The following LSAMP variants were observed in gnomAD, a reference collection of about 807,000 sequenced individuals.
The protein encoded by LSAMP is limbic system-associated membrane protein.
In LSAMP, 7 loss-of-function variants were observed where a neutral mutation model predicts 38.6. The ratio of observed to expected loss-of-function variants is 0.18; its 90% CI spans 0.10 to 0.34. The LOEUF (loss-of-function observed/expected upper bound fraction) is 0.34. Among genes scored for constraint, LSAMP ranks in the 10% least tolerant of loss-of-function variants. The probability of loss-of-function intolerance (pLI) is 1.00; values close to 1 mark genes in which losing one functional copy is unlikely to be tolerated. For synonymous variants in LSAMP, 154 were observed against 166.8 expected (o/e 0.92, Z 0.59); for missense variants, 313 against 420.0 (o/e 0.75, Z 2.23).
At chr3:116,441,841 C>A (rs189695740) in intron 1 of LSAMP, among the ~76,000 whole-genome samples, 1 of 152,168 alleles carries the variant, frequency 6.6e-6, no homozygotes, top group Admixed American at 6.5e-5. Context: ...TAGGGAGGAC[C>A]GCCAAGGCTG....
At chr3:116,185,459 A>G (rs1710591873) in intron 1 of LSAMP, among the ~76,000 whole-genome samples, 1 of 151,910 alleles carries the variant, frequency 6.6e-6, no homozygotes. Context: ...ACCTCATTTT[A>G]TTATTTGTAT....
intron 1 of LSAMP, among the ~76,000 whole-genome samples, chr3:116,356,231 A>T (rs1368376001): frequency 6.6e-6 from 1 of 152,240 alleles, no homozygotes; most frequent in East Asian, 1.9e-4. Context: ...ATTATATACA[A>T]TGGAGTACTA....
chr3:116,021,310 C>A (rs1396169302), intron 2 of LSAMP, among the ~76,000 whole-genome samples: 2 of 151,890 alleles, frequency 1.3e-5, no homozygotes, highest in Non-Finnish European at 2.9e-5. Flanking sequence ...AGATCATATA[C>A]ATTTTACAGG....
At chr3:116,263,086 A>G (rs1460007521) in intron 1 of LSAMP, among the ~76,000 whole-genome samples, 1 of 152,224 alleles carries the variant, frequency 6.6e-6, no homozygotes, top group African/African-American at 2.4e-5. Context: ...AGGGAATATA[A>G]CACTATAAAA....
rs753010939 is a variant in LSAMP, at chr3:116,444,927, G to A, written c.105C>T (p.Asn35=). The A allele has an allele frequency of 3.1e-6, 5 of 1,614,018 alleles. No individual in the cohort carries two copies. Among genetic ancestry groups the A allele is most frequent in the Non-Finnish European group, 4.2e-6 (5 of 1,180,054 alleles). ...TGLPVRSVDF[N]RGTDNITVRQ... ...TCACGGTGATGTTGTCCGTGCCTCG[G>A]TTAAAATCCACGCTGCGAACAGGCA... is the stretch of plus-strand genomic sequence containing the variant. Residue 35 remains asparagine (N), a synonymous_variant, in exon 1 of 7, where the codon AAC becomes AAT. Transcript: ENST00000490035.
At chr3:116,034,133 A>G (rs1473285135) in intron 2 of LSAMP, among the ~76,000 whole-genome samples, 1 of 152,272 alleles carries the variant, frequency 6.6e-6, no homozygotes, top group South Asian at 2.1e-4. Flanking sequence ...CAAGATGGTC[A>G]TGGTGGTCAT....
At chr3:116,040,273 G>T (rs943180951) in intron 2 of LSAMP, among the ~76,000 whole-genome samples, 6 of 152,148 alleles carry the variant, frequency 3.9e-5, no homozygotes, top group African/African-American at 1.4e-4. Flanking sequence ...TGGGACTTAA[G>T]AGACACAGGT....
intron 6 of LSAMP, among the ~76,000 whole-genome samples, chr3:115,814,857 A>G (rs1933961465): frequency 6.6e-6 from 1 of 152,210 alleles, no homozygotes. Context: ...AGTAATCTAC[A>G]CAGTCTCCTA....
intron 2 of LSAMP, among the ~76,000 whole-genome samples, chr3:116,052,359 T>A (rs191694749): frequency 1.3e-4 from 20 of 151,980 alleles, no homozygotes; most frequent in African/African-American, 4.6e-4. Flanking sequence ...AAGAAAAGAG[T>A]CAGAAGAAAC....
rs549177949 is a variant in LSAMP, at chr3:115,804,375, A to G, written c.*5942T>C. On this transcript the variant is annotated 3_prime_UTR_variant, in exon 7 of 7. Transcript: ENST00000490035. Reference sequence around the variant, plus strand: ...TTTCAGGATGAGAAAACCAAGACTCAGGAAAGTTAAATGACTTGCCAATGT... The same window carrying G: ...TTTCAGGATGAGAAAACCAAGACTCGGGAAAGTTAAATGACTTGCCAATGT... The G allele has an allele frequency of 6.6e-6, 1 of 152,368 alleles. No individual in the cohort carries two copies. The highest frequency in any genetic ancestry group is 2.1e-4 in the South Asian group (1 of 4,828). 9.4% of individuals were successfully genotyped at this position (152,368 alleles called of 1,614,324 possible).
At chr3:116,372,865 TA>T (rs565195504) in intron 1 of LSAMP, among the ~76,000 whole-genome samples, 1,787 of 141,320 alleles carry the variant, frequency 0.013, 10 homozygotes, top group Non-Finnish European at 0.019. Flanking sequence ...TAGCTGCTAT[TA>T]AAAAAAAAAA....
intron 2 of LSAMP, among the ~76,000 whole-genome samples, chr3:116,080,989 G>T (rs969037060): frequency 1.3e-5 from 2 of 152,176 alleles, no homozygotes; most frequent in African/African-American, 4.8e-5. Flanking sequence ...GGATGGGAGT[G>T]AAGGAAGAAA....
chr3:116,091,853 C>T (rs1291911251), intron 1 of LSAMP, among the ~76,000 whole-genome samples: 3 of 152,124 alleles, frequency 2.0e-5, no homozygotes, highest in Non-Finnish European at 2.9e-5. Flanking sequence ...AATATCCTTC[C>T]GCTTTGGGTG....
chr3:116,309,244 G>A (rs571703387), intron 1 of LSAMP, among the ~76,000 whole-genome samples: 4 of 152,122 alleles, frequency 2.6e-5, no homozygotes, highest in African/African-American at 9.6e-5. Context: ...ACATGCTGAG[G>A]CACAGCTAGG....
chr3:116,103,701 T>C (rs906043537), intron 1 of LSAMP, among the ~76,000 whole-genome samples: 2 of 151,782 alleles, frequency 1.3e-5, no homozygotes, highest in Non-Finnish European at 2.9e-5. Context: ...CATTCTTCTG[T>C]CTAAATAAGA....
intron 2 of LSAMP, among the ~76,000 whole-genome samples, chr3:116,062,294 A>G (rs1941607133): frequency 6.6e-6 from 1 of 152,136 alleles, no homozygotes; most frequent in Non-Finnish European, 1.5e-5. Context: ...AGATCACTTG[A>G]GGTCAAGAGT....
At chr3:116,177,022 T>C (rs1282845731) in intron 1 of LSAMP, among the ~76,000 whole-genome samples, 1 of 152,146 alleles carries the variant, frequency 6.6e-6, no homozygotes, top group Non-Finnish European at 1.5e-5. Flanking sequence ...GAACCCAAGT[T>C]ACATAATTAG....
chr3:115,970,479 T>C (rs1938980032), intron 3 of LSAMP, among the ~76,000 whole-genome samples: 1 of 152,180 alleles, frequency 6.6e-6, no homozygotes, highest in Non-Finnish European at 1.5e-5. Flanking sequence ...ATCTTCAAGT[T>C]CACACACTAA....
In LSAMP at chr3:116,078,768, C is replaced by G. The variant is rs577634391; in HGVS notation, c.388+7556G>C. Among the ~76,000 whole-genome samples the G allele has an allele frequency of 2.6e-5, 4 of 152,226 alleles. No homozygotes were observed. In the East Asian group the frequency reaches 7.7e-4, roughly 29 times the overall value. On this transcript the variant is annotated intron_variant, in intron 2 of 6. Coordinates refer to ENST00000490035, the MANE Select transcript of LSAMP (RefSeq NM_002338.5). ...TGGCTTCCGTGTACTTTTGGCATGA[C>G]TCGTCATTTTTTTGAGTACATTCTT... is the stretch of plus-strand genomic sequence containing the variant.
Sources: allele counts gnomAD v4.1 joint callset (sites outside exome capture counted in the v4.1 genomes callset), GRCh38; gene constraint gnomAD v4.1.1; transcripts MANE v1.5; gene names NCBI Gene and HGNC (gene_info 2026-07-23, HGNC 2026-07-21).